SECISBP2: variants seen among roughly 807,000 people sequenced by gnomAD.
SECISBP2 encodes selenocysteine insertion sequence-binding protein 2.
In SECISBP2, 96 loss-of-function variants were observed where a neutral mutation model predicts 98.2. The ratio of observed to expected loss-of-function variants is 0.98; its 90% CI spans 0.83 to 1.16. The LOEUF (loss-of-function observed/expected upper bound fraction) is 1.16. Ranked by LOEUF, SECISBP2 falls within the 50% of genes most tolerant of loss-of-function variation. SECISBP2 has a pLI of 0.00. For missense variants in SECISBP2, 1,046 were observed against 1,022.9 expected (o/e 1.02, Z -0.31); for synonymous variants, 407 against 370.2 (o/e 1.10, Z -1.14).
At chr9:89,341,536 T>A in intron 10 of SECISBP2, 57 bp downstream of exon 10, 1 of 1,597,542 alleles carries the variant, frequency 6.3e-7, no homozygotes, top group Non-Finnish European at 8.6e-7. Flanking sequence ...AGCTAGATTA[T>A]TATGTTACCA....
rs759031484 is a variant in SECISBP2 at position 89,357,473 on chromosome 9, G to C, written c.2176G>C (p.Val726Leu). The change falls in exon 15 of 17, where the codon GTG (valine) becomes CTG (leucine). Residue 726 changes from valine to leucine, a missense_variant. By Grantham distance (32) the Val-to-Leu change is conservative. Transcript: ENST00000375807. ...TGCCTGTGAGCAGAACATTCCCTTT[G>C]TGTTTGCTCTCAACCGCAAAGCTCT... ...DYACEQNIPFVFALNRKALGR... is the reference protein window; with the variant it reads ...DYACEQNIPFLFALNRKALGR... 1 of 1,614,162 alleles carries C rather than the reference G, an allele frequency of 6.2e-7. No individual in the cohort carries two copies. Among genetic ancestry groups the C allele is most frequent in the South Asian group, 1.1e-5 (1 of 91,092 alleles).
intron 2 of SECISBP2, among the ~76,000 whole-genome samples, chr9:89,320,045 T>C (rs796765527): frequency 3.9e-5 from 6 of 152,286 alleles, no homozygotes; most frequent in African/African-American, 1.4e-4. Context: ...AGAGACTGCA[T>C]TGCATTTGTT....
rs1832543338 is a variant in SECISBP2, at chr9:89,359,098, G to A, written c.*274G>A. ...GCACACTACGGATCTGGAAAATACT[G>A]GAAAATGTGATACTTAGAATACTTT... On this transcript the variant is annotated 3_prime_UTR_variant, in exon 17 of 17. Transcript: ENST00000375807. The A allele has an allele frequency of 2.2e-6, 1 of 452,260 alleles. No homozygotes were observed. The highest frequency in any genetic ancestry group is 2.0e-5 in the African/African-American group (1 of 50,204). 28.0% of individuals were successfully genotyped at this position (452,260 alleles called of 1,614,324 possible).
chr9:89,338,612 A>T lies in SECISBP2; in HGVS notation c.1212+32A>T, dbSNP rs188287227. 2.3e-4 allele frequency: 363 copies of T among 1,604,330 alleles called. 1 individual carries two copies. The African/African-American group carries it at 4.0e-3, about 18-fold the overall frequency. Reference sequence around the variant, plus strand: ...TTATATTTTTTATTCACATGGTGTGATATAATAAGTGGGTCTTTCTTAAAA... The same window carrying T: ...TTATATTTTTTATTCACATGGTGTGTTATAATAAGTGGGTCTTTCTTAAAA... On this transcript the variant is annotated intron_variant, in intron 8 of 16. Coordinates refer to ENST00000375807, the MANE Select transcript of SECISBP2 (RefSeq NM_024077.5).
rs1564414229 is a variant in SECISBP2 at position 89,346,990 on chromosome 9, TGAA to T, written c.1548_1550del (p.Lys517del). 1.2e-6 allele frequency: 2 copies of T among 1,614,072 alleles called. No homozygotes were observed. Among genetic ancestry groups the T allele is most frequent in the South Asian group, 2.2e-5 (2 of 91,080 alleles). On this transcript the variant is annotated inframe_deletion, in exon 11 of 17. Transcript: ENST00000375807. ...CCCTTGGACTCCAGCGCCCCACTGATGAAGAAAGGGAAGCAGAGGGAGATCCCC... is the reference window on the plus strand; with the variant it reads ...CCCTTGGACTCCAGCGCCCCACTGATGAAAGGGAAGCAGAGGGAGATCCCC...
Position 89,328,684 on chromosome 9 carries a change from G to A in SECISBP2, c.599G>A (p.Arg200Lys). ...GATGGTTACCATAAGCGAACAGACAGGAAATCCAGAATCATTGCAAAAAAT... is the reference window on the plus strand; with the variant it reads ...GATGGTTACCATAAGCGAACAGACAAGAAATCCAGAATCATTGCAAAAAAT... ...KSDGYHKRTD[R>K]KSRIIAKNVS... The change falls in exon 5 of 17, where the codon AGG becomes AAG. Residue 200 changes from arginine (R) to lysine (K), a missense_variant. By Grantham distance (26) the Arg-to-Lys change is conservative. Coordinates refer to ENST00000375807, the MANE Select transcript of SECISBP2 (RefSeq NM_024077.5). 1 of 1,614,056 alleles carries A rather than the reference G, an allele frequency of 6.2e-7. No individual in the cohort carries two copies. The highest frequency in any genetic ancestry group is 8.5e-7 in the Non-Finnish European group (1 of 1,179,928).
rs1403579369 is a variant in SECISBP2, at chr9:89,357,565, G to GGTGA, written c.2268+4_2268+7dup. On this transcript the variant is annotated frameshift_variant and splice_region_variant. Transcript: ENST00000375807. LOFTEE classifies it high-confidence loss of function. ...GGATCTTCAGCTATGATGGGGCCCA[G>GGTGA]GTGAGTGCACAGGGCACAGGCCTCT... 1 of 1,613,444 alleles carries GGTGA rather than the reference G, an allele frequency of 6.2e-7. No individual in the cohort carries two copies. Among genetic ancestry groups the GGTGA allele is most frequent in the South Asian group, 1.1e-5 (1 of 91,044 alleles).
At chr9:89,322,472 A>G (rs563204930) in intron 2 of SECISBP2, 3 of 152,340 alleles carry the variant, frequency 2.0e-5, no homozygotes, top group East Asian at 1.9e-4. Flanking sequence ...GGCAGATGTA[A>G]TGTTATTTTG....
At chr9:89,348,281 G>A (rs2131952865) in intron 12 of SECISBP2, 67 bp downstream of exon 12, 1 of 1,586,756 alleles carries the variant, frequency 6.3e-7, no homozygotes, top group Non-Finnish European at 8.7e-7. Context: ...GATGAGCTAT[G>A]CTGAGCAAAC....
rs1254717157 is a variant in SECISBP2 at position 89,334,650 on chromosome 9, G to T, written c.1009G>T (p.Val337Phe). ...TGCTTCATCAGCAGATCCTAAAAAT[G>T]TTAGTATACCATCTTCTGAAGCTTT... Reference protein sequence around the residue: ...TIASSADPKNVSIPSSEALSS... With the variant: ...TIASSADPKNFSIPSSEALSS... The change falls in exon 7 of 17, where the codon GTT becomes TTT. Residue 337 changes from valine to phenylalanine, a missense_variant. Physicochemically the swap from Val to Phe is conservative, Grantham distance 50 (BLOSUM62 -1). Transcript: ENST00000375807. 6.2e-7 allele frequency: 1 copy of T among 1,613,972 alleles called. No homozygotes were observed. The highest frequency in any genetic ancestry group is 1.7e-5 in the Admixed American group (1 of 60,020).
At chr9:89,334,209 G>A (rs186621069) in intron 6 of SECISBP2, 13 of 1,199,248 alleles carry the variant, frequency 1.1e-5, no homozygotes, top group South Asian at 8.5e-5. Flanking sequence ...TGCTTGCCAC[G>A]TGGACATTTA....
chr9:89,328,380 C>G (rs911692811), intron 4 of SECISBP2, among the ~76,000 whole-genome samples: 1 of 152,170 alleles, frequency 6.6e-6, no homozygotes, highest in Non-Finnish European at 1.5e-5. Flanking sequence ...CATTGCTGAT[C>G]AGACCATCAT....
chr9:89,346,878 T>G lies in SECISBP2; in HGVS notation c.1436-4T>G. ...CGTGAGGGCTTTGTCCCACTGCGTT[T>G]CAGTTGGAGCAGTGCCAGTCCTTTC... On this transcript the variant is annotated splice_polypyrimidine_tract_variant and splice_region_variant and intron_variant, in intron 10 of 16. Transcript: ENST00000375807. 3 of 1,614,084 alleles carry G rather than the reference T, an allele frequency of 1.9e-6. No homozygotes were observed. Among genetic ancestry groups the G allele is most frequent in the Non-Finnish European group, 2.5e-6 (3 of 1,179,982 alleles).
rs769712773 is a variant in SECISBP2 at position 89,325,991 on chromosome 9, G to A, written c.527G>A (p.Arg176Lys). 3 of 1,613,818 alleles carry A rather than the reference G, an allele frequency of 1.9e-6. No individual in the cohort carries two copies. Among genetic ancestry groups the A allele is most frequent in the Non-Finnish European group, 2.5e-6 (3 of 1,180,002 alleles). ...ATATCATCTGAGATAAAATCAGCTAGAGGTTCACATCATTTGTCCATTTAC... is the reference window on the plus strand; with the variant it reads ...ATATCATCTGAGATAAAATCAGCTAAAGGTTCACATCATTTGTCCATTTAC... Reference protein sequence around the residue: ...GTISSEIKSARGSHHLSIYAE... With the variant: ...GTISSEIKSAKGSHHLSIYAE... The change falls in exon 4 of 17, where the codon AGA becomes AAA. Residue 176 changes from arginine to lysine, a missense_variant. By Grantham distance (26) the Arg-to-Lys change is conservative. Transcript: ENST00000375807.
intron 12 of SECISBP2, 24 bp from the exon 13 acceptor site, chr9:89,349,752 A>G (rs767632714): frequency 1.2e-6 from 2 of 1,613,850 alleles, no homozygotes; most frequent in Admixed American, 3.3e-5. Context: ...CAGATATCTG[A>G]TGATGCCTTT....
chr9:89,329,181 C>G, intron 5 of SECISBP2: 1 of 348,346 alleles, frequency 2.9e-6, no homozygotes, highest in Non-Finnish European at 5.4e-6. Flanking sequence ...GGCACGATCT[C>G]AGCTCACTGC....
At chr9:89,334,831 T>C in intron 7 of SECISBP2, 101 bp downstream of exon 7, 1 of 896,894 alleles carries the variant, frequency 1.1e-6, no homozygotes, top group Non-Finnish European at 1.8e-6. Flanking sequence ...GTTTCAGTTT[T>C]GCTAGGGGAA....
chr9:89,358,688 C>T (rs771155155), intron 16 of SECISBP2, 33 bp from the exon 17 acceptor site: 5 of 1,419,102 alleles, frequency 3.5e-6, no homozygotes, highest in Non-Finnish European at 4.0e-6. Context: ...TTGTTGATGC[C>T]TATTCCTCAC....
At chr9:89,339,312 T>A (rs928397491) in intron 8 of SECISBP2, among the ~76,000 whole-genome samples, 3 of 152,252 alleles carry the variant, frequency 2.0e-5, no homozygotes, top group Non-Finnish European at 4.4e-5. Flanking sequence ...GGTTACATGT[T>A]TGAAAACCTA....
Sources: gnomAD v4.1 joint callset for allele counts (sites outside exome capture counted in the v4.1 genomes callset) on GRCh38, gnomAD v4.1.1 for gene constraint, MANE v1.5 for transcripts, NCBI Gene and HGNC (gene_info 2026-07-23, HGNC 2026-07-21) for gene names.